The following ROBO2 variants were observed in gnomAD, a reference collection of about 807,000 sequenced individuals.
The protein encoded by ROBO2 is roundabout homolog 2.
ROBO2 carries 53 observed loss-of-function variants against 160.8 expected under a neutral mutation model. That is an observed-to-expected ratio of 0.33 (90% confidence interval 0.26 to 0.41). ROBO2 has a LOEUF of 0.41. Ranked by LOEUF, ROBO2 falls within the 10% of genes least tolerant of loss-of-function variation. The probability of loss-of-function intolerance (pLI) is 1.00; values close to 1 mark genes in which losing one functional copy is unlikely to be tolerated. For missense variants in ROBO2, 1,577 were observed against 1,722.4 expected, an observed-to-expected ratio of 0.92 and a Z score of 1.49; for synonymous variants, 664 against 611.7, an observed-to-expected ratio of 1.09 and a Z score of -1.26.
intron 2 of ROBO2, among the ~76,000 whole-genome samples, chr3:76,045,130 C>T (rs1413691942): frequency 6.6e-6 from 1 of 151,848 alleles, no homozygotes; most frequent in African/African-American, 2.4e-5. Context: ...TTATAAACTC[C>T]TGTTACATTT....
rs77757753 is a variant in ROBO2, at chr3:77,236,872, A to T, written c.388+138532A>T. ...TTCCATATTTCATTGTGGCTTGATAACCATTCCTTTGAGACAAGGTATTGC... is the reference window on the plus strand; with the variant it reads ...TTCCATATTTCATTGTGGCTTGATATCCATTCCTTTGAGACAAGGTATTGC... On this transcript the variant is annotated intron_variant, in intron 2 of 25. Coordinates refer to ENST00000461745, the Ensembl canonical transcript of ROBO2. 4.7e-3 allele frequency among the ~76,000 whole-genome samples: 719 copies of T among 152,200 alleles called. 5 individuals carry two copies. Among genetic ancestry groups the T allele is most frequent in the African/African-American group, 0.017 (694 of 41,522 alleles).
chr3:77,485,400 C>G (rs2085227840), intron 4 of ROBO2, among the ~76,000 whole-genome samples: 1 of 152,030 alleles, frequency 6.6e-6, no homozygotes, highest in Non-Finnish European at 1.5e-5. Flanking sequence ...ATTCTGATTC[C>G]TGTATCCTGT....
chr3:76,738,842 T>G (rs2093756318), intron 2 of ROBO2, among the ~76,000 whole-genome samples: 1 of 17,184 alleles, frequency 5.8e-5, no homozygotes, highest in African/African-American at 5.7e-4. Context: ...TCTTGATTGT[T>G]TTTTTTTCTT....
chr3:76,265,654 C>T (rs745399935), intron 2 of ROBO2, among the ~76,000 whole-genome samples: 16 of 152,030 alleles, frequency 1.1e-4, no homozygotes, highest in Admixed American at 7.2e-4. Flanking sequence ...ACAGTAAGTT[C>T]GTGAGATGGA....
chr3:76,008,897 T>G (rs961980619), intron 2 of ROBO2, among the ~76,000 whole-genome samples: 4 of 152,114 alleles, frequency 2.6e-5, no homozygotes, highest in Non-Finnish European at 5.9e-5. Flanking sequence ...TCTATGTATA[T>G]TTATGCTTAG....
At chr3:76,357,083 CAA>C (rs1345552975) in intron 2 of ROBO2, among the ~76,000 whole-genome samples, 2 of 151,498 alleles carry the variant, frequency 1.3e-5, no homozygotes, top group Middle Eastern at 3.2e-3. Context: ...AATTCTGAAA[CAA>C]AAAGAGACCT....
chr3:76,809,601 A>T (rs1210115064), intron 2 of ROBO2, among the ~76,000 whole-genome samples: 2 of 152,152 alleles, frequency 1.3e-5, no homozygotes, highest in Non-Finnish European at 2.9e-5. Flanking sequence ...GTCACAAAAT[A>T]TTGGTATCGC....
At chr3:76,118,108 C>T (rs1397593693) in intron 2 of ROBO2, among the ~76,000 whole-genome samples, 2 of 151,960 alleles carry the variant, frequency 1.3e-5, no homozygotes, top group African/African-American at 4.8e-5. Context: ...CAAACCTGCA[C>T]GTTGTGCACA....
chr3:77,496,763 A>G (rs1266616817), intron 5 of ROBO2, among the ~76,000 whole-genome samples: 2 of 152,170 alleles, frequency 1.3e-5, no homozygotes, highest in Non-Finnish European at 2.9e-5. Context: ...TAAATTTATG[A>G]AATGCTGTGA....
At chr3:76,970,165 C>T (rs1325629336) in intron 2 of ROBO2, among the ~76,000 whole-genome samples, 1 of 152,126 alleles carries the variant, frequency 6.6e-6, no homozygotes, top group East Asian at 1.9e-4. Context: ...GCCACAGTTA[C>T]TTGAAACTTG....
chr3:77,340,024 A>G (rs1051974488), intron 2 of ROBO2, among the ~76,000 whole-genome samples: 2 of 152,054 alleles, frequency 1.3e-5, no homozygotes, highest in African/African-American at 2.4e-5. Context: ...TTCTCATTGT[A>G]TAATTTCCAC....
intron 1 of ROBO2, among the ~76,000 whole-genome samples, chr3:77,084,548 C>CAGG (rs1383091667): frequency 6.6e-6 from 1 of 152,024 alleles, no homozygotes. Flanking sequence ...TTCTGTGTTC[C>CAGG]ACTCTTGTGC....
chr3:76,146,146 G>C (rs976398473), intron 2 of ROBO2, among the ~76,000 whole-genome samples: 1 of 151,894 alleles, frequency 6.6e-6, no homozygotes. Context: ...TCCAACACTA[G>C]ATCTATGTAA....
chr3:77,537,101 G>A (rs554595947), intron 6 of ROBO2, among the ~76,000 whole-genome samples: 2 of 141,732 alleles, frequency 1.4e-5, no homozygotes, highest in African/African-American at 5.2e-5. Context: ...ATATTTTGTG[G>A]GGGGGGGGTG....
At chr3:76,003,913 T>C (rs916098946) in intron 2 of ROBO2, among the ~76,000 whole-genome samples, 1 of 152,202 alleles carries the variant, frequency 6.6e-6, no homozygotes, top group African/African-American at 2.4e-5. Context: ...AGGATGGCTA[T>C]AATAAAATTA....
At chr3:76,847,496 G>T (rs1426055846) in intron 2 of ROBO2, among the ~76,000 whole-genome samples, 1 of 152,142 alleles carries the variant, frequency 6.6e-6, no homozygotes, top group African/African-American at 2.4e-5. Flanking sequence ...TTTGGAGAGT[G>T]ATACTTTTCT....
chr3:76,831,797 A>G (rs1341735510), intron 2 of ROBO2, among the ~76,000 whole-genome samples: 1 of 152,230 alleles, frequency 6.6e-6, no homozygotes, highest in Non-Finnish European at 1.5e-5. Flanking sequence ...ATTAGACCAC[A>G]TACCTAAAAA....
intron 2 of ROBO2, among the ~76,000 whole-genome samples, chr3:76,907,537 C>G (rs1038934536): frequency 6.6e-6 from 1 of 152,046 alleles, no homozygotes; most frequent in Non-Finnish European, 1.5e-5. Flanking sequence ...TATATGTAAC[C>G]AAGCTTATTG....
At chr3:77,407,910 C>G (rs1204798032) in intron 2 of ROBO2, among the ~76,000 whole-genome samples, 2 of 152,128 alleles carry the variant, frequency 1.3e-5, no homozygotes, top group Non-Finnish European at 2.9e-5. Flanking sequence ...TAAGTTTACA[C>G]TTGTTCACTT....
Sources: allele counts gnomAD v4.1 joint callset (sites outside exome capture counted in the v4.1 genomes callset), GRCh38; gene constraint gnomAD v4.1.1; transcripts MANE v1.5; gene names NCBI Gene and HGNC (gene_info 2026-07-23, HGNC 2026-07-21).